R3HDM1: variants seen among roughly 807,000 people sequenced by gnomAD.
The protein encoded by R3HDM1 is R3H domain-containing protein 1.
R3HDM1 carries 46 observed loss-of-function variants against 141.1 expected under a neutral mutation model. The ratio of observed to expected loss-of-function variants is 0.33; its 90% confidence interval spans 0.26 to 0.42. R3HDM1 has a LOEUF of 0.42. Ranked by LOEUF, R3HDM1 falls within the 10% of genes least tolerant of loss-of-function variation. The pLI is 1.00. For synonymous variants in R3HDM1, 435 were observed against 472.9 expected (o/e 0.92, Z 1.04); for missense variants, 1,184 against 1,368.3 (o/e 0.87, Z 2.12).
At chr2:135,640,190 A>G (rs2063660899) in intron 14 of R3HDM1, among the ~76,000 whole-genome samples, 1 of 152,188 alleles carries the variant, frequency 6.6e-6, no homozygotes, top group African/African-American at 2.4e-5. Context: ...TAAGAATTGA[A>G]GGACATATTT....
chr2:135,676,145 G>A (rs749488907), intron 20 of R3HDM1, among the ~76,000 whole-genome samples: 2 of 152,086 alleles, frequency 1.3e-5, no homozygotes, highest in Non-Finnish European at 2.9e-5. Flanking sequence ...GGCCAACATT[G>A]TGAAACCCTG....
chr2:135,610,920 C>T (rs1394887523), intron 3 of R3HDM1, among the ~76,000 whole-genome samples: 1 of 151,660 alleles, frequency 6.6e-6, no homozygotes, highest in Non-Finnish European at 1.5e-5. Flanking sequence ...GCCTGGACAA[C>T]ACACGAAGAC....
chr2:135,588,434 A>G (rs971570603), intron 1 of R3HDM1, among the ~76,000 whole-genome samples: 3 of 152,028 alleles, frequency 2.0e-5, no homozygotes, highest in African/African-American at 7.2e-5. Context: ...TCAGTCACAC[A>G]CATTCACTCT....
At chr2:135,553,731 G>T (rs543560945) in intron 1 of R3HDM1, among the ~76,000 whole-genome samples, 1 of 152,066 alleles carries the variant, frequency 6.6e-6, no homozygotes, top group Non-Finnish European at 1.5e-5. Context: ...TCACTCTGTC[G>T]CCCAGGCTGG....
intron 21 of R3HDM1, among the ~76,000 whole-genome samples, chr2:135,685,851 T>C (rs1258130138): frequency 2.0e-5 from 3 of 152,226 alleles, no homozygotes; most frequent in Admixed American, 6.5e-5. Flanking sequence ...ATTTGTACTT[T>C]TGTTTTCTCA....
intron 11 of R3HDM1, among the ~76,000 whole-genome samples, chr2:135,637,214 A>G (rs911562224): frequency 6.6e-6 from 1 of 152,196 alleles, no homozygotes; most frequent in Admixed American, 6.5e-5. Flanking sequence ...GACACAGCAG[A>G]TAAGCACCAA....
intron 21 of R3HDM1, among the ~76,000 whole-genome samples, chr2:135,691,573 TCCAACAGAGAGAAC>T (rs2072380312): frequency 6.6e-6 from 1 of 151,768 alleles, no homozygotes; most frequent in African/African-American, 2.4e-5. Context: ...ACCACTTCAC[TCCAACAGAGAGAAC>T]CCCTGTCTCC....
At chr2:135,601,486 T>C (rs72988454) in intron 1 of R3HDM1, among the ~76,000 whole-genome samples, 6,336 of 152,296 alleles carry the variant, frequency 0.042, 451 homozygotes, top group African/African-American at 0.15. Flanking sequence ...TGCATATATG[T>C]ATGCTTAGCT....
chr2:135,606,081 T>TC (rs2060021303), intron 3 of R3HDM1: 1 of 152,072 alleles, frequency 6.6e-6, no homozygotes, highest in Non-Finnish European at 1.5e-5. Context: ...TCCAAAGAGG[T>TC]CCTTTGTTGG....
Position 135,661,290 on chromosome 2 carries a change from T to A in R3HDM1, c.2049T>A (p.Ala683=), listed in dbSNP as rs749808783. 1 of 1,614,096 alleles carries A rather than the reference T, an allele frequency of 6.2e-7. No individual in the cohort carries two copies. Among genetic ancestry groups the A allele is most frequent in the Non-Finnish European group, 8.5e-7 (1 of 1,179,974 alleles). Reference sequence around the variant, plus strand: ...CCTAGATGCCAGCCTGTTATTGCGCTCCAGGCCACTATCACTCCAGCCAAC... The same window carrying A: ...CCTAGATGCCAGCCTGTTATTGCGCACCAGGCCACTATCACTCCAGCCAAC... ...PSPQMPACYC[A]PGHYHSSQPQ... The change falls in exon 19 of 27, where the codon GCT becomes GCA. Residue 683 remains alanine, a synonymous_variant. Transcript: ENST00000683871.
chr2:135,620,853 A>G (rs1012189048), intron 5 of R3HDM1, among the ~76,000 whole-genome samples: 2 of 152,072 alleles, frequency 1.3e-5, no homozygotes, highest in Non-Finnish European at 2.9e-5. Context: ...AGTCTTACAG[A>G]ATGTGGTTAC....
intron 1 of R3HDM1, among the ~76,000 whole-genome samples, chr2:135,544,130 C>T (rs914263335): frequency 2.0e-5 from 3 of 152,134 alleles, no homozygotes; most frequent in African/African-American, 7.2e-5. Context: ...ATGTGGAAAC[C>T]GCTAAAGAAA....
chr2:135,651,141 C>T (rs537314271), intron 17 of R3HDM1: 3 of 985,210 alleles, frequency 3.0e-6, no homozygotes, highest in Non-Finnish European at 3.6e-6. Context: ...ACTTCCAGAA[C>T]AGATTGAAAA....
At chr2:135,655,393 G>A (rs933350945) in intron 18 of R3HDM1, among the ~76,000 whole-genome samples, 1 of 152,102 alleles carries the variant, frequency 6.6e-6, no homozygotes, top group Non-Finnish European at 1.5e-5. Context: ...CCTTTTGCCA[G>A]TACTACATTG....
intron 1 of R3HDM1, among the ~76,000 whole-genome samples, chr2:135,596,763 CA>C (rs2059230201): frequency 6.6e-6 from 1 of 152,148 alleles, no homozygotes; most frequent in Non-Finnish European, 1.5e-5. Context: ...GAATATGCCA[CA>C]GTTGTTTTTA....
At chr2:135,607,034 G>T (rs1286641187) in intron 3 of R3HDM1, among the ~76,000 whole-genome samples, 1 of 151,956 alleles carries the variant, frequency 6.6e-6, no homozygotes, top group Non-Finnish European at 1.5e-5. Context: ...CTGTCACCAG[G>T]CTGGAGTGTA....
chr2:135,577,294 T>A, intron 1 of R3HDM1: 1 of 864,104 alleles, frequency 1.2e-6, no homozygotes, highest in Non-Finnish European at 1.4e-6. Context: ...GAAGAAAATT[T>A]TTTCAACATA....
chr2:135,651,148 A>T, intron 17 of R3HDM1: 1 of 985,422 alleles, frequency 1.0e-6, no homozygotes, highest in Non-Finnish European at 1.2e-6. Context: ...GAACAGATTG[A>T]AAAACACAAG....
chr2:135,683,380 C>A (rs2070681917), intron 21 of R3HDM1, among the ~76,000 whole-genome samples: 2 of 151,878 alleles, frequency 1.3e-5, no homozygotes. Flanking sequence ...ATGTTGAAAC[C>A]CTGTCTCCAC....
Sources: gnomAD v4.1 joint callset for allele counts (sites outside exome capture counted in the v4.1 genomes callset) on GRCh38, gnomAD v4.1.1 for gene constraint, MANE v1.5 for transcripts, NCBI Gene and HGNC (gene_info 2026-07-23, HGNC 2026-07-21) for gene names.